CHN1: variants seen among roughly 807,000 people sequenced by gnomAD.
CHN1 encodes the protein chimerin 1, also known as N-chimaerin.
In CHN1, 37 loss-of-function variants were observed where a neutral mutation model predicts 59.5. The ratio of observed to expected loss-of-function variants is 0.62; its 90% CI spans 0.48 to 0.82. The LOEUF (loss-of-function observed/expected upper bound fraction) is 0.82, where lower values mean the gene tolerates loss of function less well. Ranked by LOEUF, CHN1 falls within the 40% of genes least tolerant of loss-of-function variation. The pLI is 0.00. For missense variants in CHN1, 469 were observed against 571.0 expected (o/e 0.82, Z 1.82); for synonymous variants, 206 against 200.4 (o/e 1.03, Z -0.24).
At chr2:174,964,326 G>A (rs1690528306) in intron 1 of CHN1, among the ~76,000 whole-genome samples, 1 of 152,160 alleles carries the variant, frequency 6.6e-6, no homozygotes, top group South Asian at 2.1e-4. Context: ...TGGTCTTGGA[G>A]TATTATTCTC....
chr2:174,835,801 A>T (rs1686055552), intron 7 of CHN1, among the ~76,000 whole-genome samples: 1 of 152,094 alleles, frequency 6.6e-6, no homozygotes, highest in Non-Finnish European at 1.5e-5. Flanking sequence ...TTTTGGTCAC[A>T]GTACTAAGAT....
chr2:174,993,154 T>C (rs1303483307), intron 1 of CHN1, among the ~76,000 whole-genome samples: 1 of 147,046 alleles, frequency 6.8e-6, no homozygotes, highest in Non-Finnish European at 1.5e-5. Flanking sequence ...CACACTGACA[T>C]GCCCTCAGTA....
At chr2:174,977,029 G>A (rs1690967772) in intron 1 of CHN1, among the ~76,000 whole-genome samples, 1 of 152,132 alleles carries the variant, frequency 6.6e-6, no homozygotes, top group Non-Finnish European at 1.5e-5. Context: ...TTCTCCTTCT[G>A]TCCTTAGACA....
intron 5 of CHN1, among the ~76,000 whole-genome samples, chr2:174,901,335 T>C (rs1688383750): frequency 6.6e-6 from 1 of 152,174 alleles, no homozygotes; most frequent in Non-Finnish European, 1.5e-5. Flanking sequence ...TTCTTTCTCT[T>C]TGCCCTCTCA....
intron 7 of CHN1, among the ~76,000 whole-genome samples, chr2:174,839,604 ATTTTTTTT>A (rs34568874): frequency 1.4e-5 from 2 of 142,458 alleles, no homozygotes. Context: ...GCACTTAAAG[ATTTTTTTT>A]TTTTTTTTTG....
intron 1 of CHN1, among the ~76,000 whole-genome samples, chr2:174,961,972 G>C (rs1690424162): frequency 6.6e-6 from 1 of 152,154 alleles, no homozygotes; most frequent in Non-Finnish European, 1.5e-5. Flanking sequence ...CTAGGATATG[G>C]GATAGAGTGG....
intron 1 of CHN1, among the ~76,000 whole-genome samples, chr2:174,973,519 A>G (rs1238251624): frequency 1.3e-5 from 2 of 152,250 alleles, no homozygotes; most frequent in Non-Finnish European, 2.9e-5. Flanking sequence ...AAGCAAAACA[A>G]GAGAAGACAA....
intron 1 of CHN1, among the ~76,000 whole-genome samples, chr2:174,958,982 G>A (rs1362525215): frequency 1.1e-4 from 17 of 152,034 alleles, no homozygotes; most frequent in Admixed American, 9.8e-4. Context: ...CACAATCATG[G>A]CCAAATAAAT....
At chr2:174,999,612 T>C (rs1691819839) in intron 1 of CHN1, among the ~76,000 whole-genome samples, 3 of 152,254 alleles carry the variant, frequency 2.0e-5, no homozygotes, top group Admixed American at 1.3e-4. Context: ...ATTTTATGAT[T>C]GCTTTAAATT....
rs551392478 is a variant in CHN1, at chr2:174,833,045, A to T, written c.628-8527T>A. On this transcript the variant is annotated intron_variant, in intron 7 of 12. Transcript: ENST00000409900. ...CATGGTTATATTTGTCTTATGGTCC[A>T]GAATATTATGTATCTTGGTGAATCT... Among the ~76,000 whole-genome samples the T allele has an allele frequency of 3.8e-4, 58 of 152,284 alleles. No individual in the cohort carries two copies. In the South Asian group the frequency reaches 0.011, roughly 30 times the overall value.
intron 3 of CHN1, among the ~76,000 whole-genome samples, chr2:174,937,665 G>C (rs1243802396): frequency 6.6e-6 from 1 of 151,800 alleles, no homozygotes; most frequent in Non-Finnish European, 1.5e-5. Flanking sequence ...GGTGGGAGGT[G>C]TTTCAGTCAC....
chr2:174,852,652 G>A (rs1224786569), intron 6 of CHN1, among the ~76,000 whole-genome samples: 1 of 152,098 alleles, frequency 6.6e-6, no homozygotes, highest in Non-Finnish European at 1.5e-5. Flanking sequence ...AACAAAGCTG[G>A]AGGTATCACA....
At chr2:174,826,641 A>G (rs1385831727) in intron 7 of CHN1, among the ~76,000 whole-genome samples, 1 of 152,232 alleles carries the variant, frequency 6.6e-6, no homozygotes, top group Non-Finnish European at 1.5e-5. Flanking sequence ...TTGCTGTTAA[A>G]CAAATAGGCA....
chr2:174,861,616 A>G (rs556324411), intron 6 of CHN1, among the ~76,000 whole-genome samples: 1 of 152,350 alleles, frequency 6.6e-6, no homozygotes, highest in Admixed American at 6.5e-5. Flanking sequence ...GCTAACAAGA[A>G]TAGCATTTTA....
chr2:174,982,247 A>G, intron 1 of CHN1, among the ~76,000 whole-genome samples: 1 of 152,160 alleles, frequency 6.6e-6, no homozygotes, highest in Non-Finnish European at 1.5e-5. Flanking sequence ...GAATAGTGCC[A>G]CAATAAACAT....
chr2:174,960,759 T>C (rs1191637422), intron 1 of CHN1, among the ~76,000 whole-genome samples: 2 of 151,336 alleles, frequency 1.3e-5, no homozygotes, highest in Non-Finnish European at 2.9e-5. Context: ...GAGGCAGAGG[T>C]TGCAGTGAGC....
chr2:174,909,678 C>T lies in CHN1; in HGVS notation c.260+5380G>A, dbSNP rs941500054. ...TAGAAAGATCACAAGTCCTTCATAA[C>T]ATCACTAGAATACTGACCATCCATG... On this transcript the variant is annotated intron_variant, in intron 5 of 12. Coordinates refer to ENST00000409900, the MANE Select transcript of CHN1 (RefSeq NM_001822.7). Among the ~76,000 whole-genome samples the T allele has an allele frequency of 6.6e-5, 10 of 152,198 alleles. 1 individual carries two copies. Among genetic ancestry groups the T allele is most frequent in the Admixed American group, 5.2e-4 (8 of 15,282 alleles).
intron 5 of CHN1, among the ~76,000 whole-genome samples, chr2:174,907,585 T>C: frequency 6.6e-6 from 1 of 151,910 alleles, no homozygotes; most frequent in East Asian, 1.9e-4. Flanking sequence ...TGTCTTCATT[T>C]CTTCTCAAAA....
intron 7 of CHN1, among the ~76,000 whole-genome samples, chr2:174,839,342 C>T (rs891633974): frequency 2.0e-5 from 3 of 151,988 alleles, no homozygotes; most frequent in African/African-American, 7.3e-5. Flanking sequence ...TTTATTCAGC[C>T]TTAATAAAGG....
Sources: gnomAD v4.1 joint callset for allele counts (sites outside exome capture counted in the v4.1 genomes callset) on GRCh38, gnomAD v4.1.1 for gene constraint, MANE v1.5 for transcripts, NCBI Gene and HGNC (gene_info 2026-07-23, HGNC 2026-07-21) for gene names.